The following ARHGEF10L variants were observed in gnomAD, a reference collection of about 807,000 sequenced individuals.
ARHGEF10L encodes Rho guanine nucleotide exchange factor 10 like.
In ARHGEF10L, 69 loss-of-function variants were observed where a neutral mutation model predicts 141.2. The observed-to-expected ratio is 0.49, with a 90% confidence interval of 0.40 to 0.60. ARHGEF10L has a LOEUF of 0.60. ARHGEF10L is among the 20% of genes least tolerant of loss of function. The pLI, the probability that ARHGEF10L is intolerant of heterozygous loss-of-function variation, is 0.00. For synonymous variants in ARHGEF10L, 711 were observed against 718.5 expected, an observed-to-expected ratio of 0.99 and a Z score of 0.17; for missense variants, 1,482 against 1,734.3, an observed-to-expected ratio of 0.85 and a Z score of 2.58.
chr1:17,694,486 A>G (rs535426131), intron 27 of ARHGEF10L: 5 of 175,478 alleles, frequency 2.8e-5, no homozygotes, highest in Admixed American at 5.6e-5. Context: ...TGACATTGCT[A>G]TTCTTGCTAA....
At chr1:17,696,169 C>G (rs549909376) in intron 28 of ARHGEF10L, among the ~76,000 whole-genome samples, 1 of 150,518 alleles carries the variant, frequency 6.6e-6, no homozygotes, top group Non-Finnish European at 1.5e-5. Context: ...GCCGAGATTG[C>G]GCCATTGCAC....
rs1476124147 is a variant in ARHGEF10L, at chr1:17,624,469, G to A, written c.1283G>A (p.Cys428Tyr). The A allele has an allele frequency of 6.2e-7, 1 of 1,614,122 alleles. No homozygotes were observed. Among genetic ancestry groups the A allele is most frequent in the Non-Finnish European group, 8.5e-7 (1 of 1,180,044 alleles). Residue 428 changes from cysteine (C) to tyrosine (Y), a missense_variant, in exon 13 of 29, where the codon TGC (cysteine) becomes TAC (tyrosine). This residue lies in a region of ARHGEF10L where 392 missense variants were observed against 542.1 expected (regional missense o/e 0.72). Transcript: ENST00000361221. ...GCCATGTCCATCATCAAGAAGGCCT[G>A]CCTCACCAAGCCTGCCTTCCTCGAG... ...TSAMSIIKKA[C>Y]LTKPAFLEFL... is the part of the protein sequence containing the mutation.
intron 1 of ARHGEF10L, among the ~76,000 whole-genome samples, chr1:17,541,603 G>T (rs2076730216): frequency 6.6e-6 from 1 of 152,180 alleles, no homozygotes; most frequent in African/African-American, 2.4e-5. Context: ...GGCCAAGTTG[G>T]GTGGATCACT....
In ARHGEF10L at chr1:17,590,370, G is replaced by T. The variant is rs186916033; in HGVS notation, c.257+1891G>T. 2.6e-5 allele frequency among the ~76,000 whole-genome samples: 4 copies of T among 152,222 alleles called. No homozygotes were observed. In the East Asian group the frequency reaches 7.7e-4, roughly 29 times the overall value. ...TGTTCCATAGGTCCCTCCCGGGGAG[G>T]CTTGTGCGGCAGTGCCTGGTGTGTG... On this transcript the variant is annotated intron_variant, in intron 4 of 28. Transcript: ENST00000361221.
intron 1 of ARHGEF10L, among the ~76,000 whole-genome samples, chr1:17,550,957 G>T (rs1460438854): frequency 6.6e-6 from 1 of 151,728 alleles, no homozygotes; most frequent in East Asian, 2.0e-4. Context: ...TGGTCCTCAC[G>T]ATAAGTCTGT....
rs561318146 is a variant in ARHGEF10L at position 17,680,417 on chromosome 1, G to T, written c.3010-7156G>T. ...CGTCACCTGGAGGCACATAAATATT[G>T]TAGGACTGGAGGTTGGGCTGTGTCA... On this transcript the variant is annotated intron_variant, in intron 26 of 28. Transcript: ENST00000361221. Among the ~76,000 whole-genome samples the T allele has an allele frequency of 2.1e-3, 318 of 152,340 alleles. 2 individuals carry two copies. Among genetic ancestry groups the T allele is most frequent in the African/African-American group, 7.5e-3 (312 of 41,578 alleles).
chr1:17,671,171 G>A (rs897207385), intron 26 of ARHGEF10L, among the ~76,000 whole-genome samples: 9 of 152,216 alleles, frequency 5.9e-5, no homozygotes, highest in Non-Finnish European at 1.2e-4. Context: ...ACCTTCCTCC[G>A]CCACGGCGGA....
intron 14 of ARHGEF10L, among the ~76,000 whole-genome samples, chr1:17,626,913 T>G (rs1458239922): frequency 1.3e-5 from 2 of 152,260 alleles, no homozygotes; most frequent in Non-Finnish European, 2.9e-5. Flanking sequence ...TCTTCAAGAT[T>G]CATCGTGTCC....
At chr1:17,655,480 T>C (rs12736407) in intron 23 of ARHGEF10L, among the ~76,000 whole-genome samples, 33 of 110,970 alleles carry the variant, frequency 3.0e-4, no homozygotes, top group African/African-American at 7.4e-4. Flanking sequence ...TCCATCCATC[T>C]ATCCATCCAT....
chr1:17,568,632 C>T (rs1465075540), intron 1 of ARHGEF10L, among the ~76,000 whole-genome samples: 1 of 152,188 alleles, frequency 6.6e-6, no homozygotes, highest in East Asian at 1.9e-4. Context: ...CCCAGTGTGG[C>T]TTCCATGCCA....
At chr1:17,575,665 A>C (rs1274502118) in intron 1 of ARHGEF10L, among the ~76,000 whole-genome samples, 2 of 152,100 alleles carry the variant, frequency 1.3e-5, no homozygotes, top group Non-Finnish European at 2.9e-5. Flanking sequence ...GTGATGGGGA[A>C]GGGTTTGAAG....
At position 17,623,098 on chromosome 1, in the gene ARHGEF10L, A is replaced by G. The variant is rs779623240; in HGVS notation, c.1123A>G (p.Met375Val). 7 of 1,614,106 alleles carry G rather than the reference A, an allele frequency of 4.3e-6. No individual in the cohort carries two copies. In the South Asian group the frequency reaches 6.6e-5, roughly 15 times the overall value. Residue 375 changes from methionine to valine, a missense_variant, in exon 12 of 29, where the codon ATG (methionine) becomes GTG (valine). Met to Val is a conservative substitution (Grantham distance 21). Transcript: ENST00000361221. This position sits in a 1 kb window ranked among gnomAD's most constrained non-coding sequence, Gnocchi z 4.7. ...GAAGGAGATCCTGCACTGCCACTCC[A>G]TGTTCCAGATCGCCCTGTCCTCCCG... ...RVKEILHCHSMFQIALSSRVA... is the reference protein window; with the variant it reads ...RVKEILHCHSVFQIALSSRVA...
chr1:17,684,280 C>A (rs1387932157), intron 26 of ARHGEF10L, among the ~76,000 whole-genome samples: 1 of 152,226 alleles, frequency 6.6e-6, no homozygotes, highest in Non-Finnish European at 1.5e-5. Flanking sequence ...AAAACAAAAT[C>A]ATTCTGCATG....
intron 1 of ARHGEF10L, among the ~76,000 whole-genome samples, chr1:17,550,686 A>G (rs1250429152): frequency 6.6e-6 from 1 of 151,648 alleles, no homozygotes; most frequent in Non-Finnish European, 1.5e-5. Context: ...AAGAAGTCCA[A>G]GGGGGTAGTG....
chr1:17,539,630 C>T (rs1317009353), upstream of ARHGEF10L, among the ~76,000 whole-genome samples: 5 of 150,702 alleles, frequency 3.3e-5, no homozygotes, highest in African/African-American at 1.2e-4. This position sits in a 1 kb window ranked among gnomAD's most constrained non-coding sequence, Gnocchi z 6.0. Flanking sequence ...GCCGCTGCCC[C>T]GGCCACCAGG....
chr1:17,546,139 C>A lies in ARHGEF10L; in HGVS notation c.-44+6189C>A, dbSNP rs143797295. Reference sequence around the variant, plus strand: ...CAGGGGCCTTGTGCTGTGTGGATCACCCTGCTTCCCTAAAAATCTTTGAGG... The same window carrying A: ...CAGGGGCCTTGTGCTGTGTGGATCAACCTGCTTCCCTAAAAATCTTTGAGG... On this transcript the variant is annotated intron_variant, in intron 1 of 28. Coordinates refer to ENST00000361221, the MANE Select transcript of ARHGEF10L (RefSeq NM_018125.4). 1.5e-3 allele frequency among the ~76,000 whole-genome samples: 226 copies of A among 152,290 alleles called. 1 individual carries two copies. Among genetic ancestry groups the A allele is most frequent in the Non-Finnish European group, 2.7e-3 (184 of 68,028 alleles).
rs55790600 is a variant in ARHGEF10L at position 17,655,437 on chromosome 1, G to GTCCATCCA, written c.2482-407_2482-400dup. On this transcript the variant is annotated intron_variant, in intron 23 of 28. Coordinates refer to ENST00000361221, the MANE Select transcript of ARHGEF10L (RefSeq NM_018125.4). ...CCTTCCATCTATCTGTCTATCATCT[G>GTCCATCCA]TCCATCCATCCATCCATCCATCCAT... is the stretch of plus-strand genomic sequence containing the variant. Among the ~76,000 whole-genome samples, 17 of 148,596 alleles carry GTCCATCCA rather than the reference G, an allele frequency of 1.1e-4. No homozygotes were observed. The East Asian group carries it at 1.4e-3, about 12-fold the overall frequency.
At chr1:17,635,536 C>A (rs1305347441) in intron 18 of ARHGEF10L, among the ~76,000 whole-genome samples, 1 of 152,242 alleles carries the variant, frequency 6.6e-6, no homozygotes, top group Non-Finnish European at 1.5e-5. Flanking sequence ...TCCCACCACG[C>A]CCTCTCCAGC....
At position 17,664,487 on chromosome 1, in the gene ARHGEF10L, G is replaced by C; in HGVS notation, c.2901G>C (p.Leu967=). ...ACCTGGAGAGCCCTCCCGTGTGCCT[G>C]ACTGTGGGGCCCGGGCCTGTCCGCA... ...LWDLESPPVC[L]TVGPGPVRTL... Residue 967 remains leucine (L), a synonymous_variant, in exon 26 of 29, where the codon CTG becomes CTC. Coordinates refer to ENST00000361221, the MANE Select transcript of ARHGEF10L (RefSeq NM_018125.4). The C allele has an allele frequency of 6.2e-7, 1 of 1,607,222 alleles. No individual in the cohort carries two copies. Among genetic ancestry groups the C allele is most frequent in the Non-Finnish European group, 8.5e-7 (1 of 1,179,822 alleles).
Sources: allele counts gnomAD v4.1 joint callset (sites outside exome capture counted in the v4.1 genomes callset), GRCh38; gene constraint gnomAD v4.1.1; regional missense constraint gnomAD v4.1.1; non-coding constraint Gnocchi (gnomAD v3.1); transcripts MANE v1.5; gene names NCBI Gene and HGNC (gene_info 2026-07-23, HGNC 2026-07-21).